PRDM16: variants seen among roughly 807,000 people sequenced by gnomAD.
PRDM16 encodes the protein PR/SET domain 16.
A neutral mutation model predicts 110.6 loss-of-function variants in PRDM16; 23 were observed. The ratio of observed to expected loss-of-function variants is 0.21; its 90% CI spans 0.15 to 0.29. The LOEUF is 0.29. PRDM16 is among the 10% of genes least tolerant of loss of function. The pLI is 1.00. For synonymous variants in PRDM16, 799 were observed against 781.8 expected (o/e 1.02, Z -0.37); for missense variants, 1,615 against 1,794.3 (o/e 0.90, Z 1.81).
intron 8 of PRDM16, among the ~76,000 whole-genome samples, 163 bp from the exon 9 acceptor site, chr1:3,411,221 C>G (rs535868054): frequency 6.6e-6 from 1 of 152,342 alleles, no homozygotes; most frequent in Non-Finnish European, 1.5e-5. Context: ...GCACAGTACA[C>G]ACATATACAC....
rs151146968 is a variant in PRDM16 at position 3,179,675 on chromosome 1, G to T, written c.38-6450G>T. The stretch of plus-strand genomic sequence containing the variant: ...CATGGCACCGTGGTGCAGATTGAAG[G>T]GGCCGCCCGCTCTCAAGGCCGGGCA... On this transcript the variant is annotated intron_variant, in intron 1 of 16. Transcript: ENST00000270722. 2.2e-3 allele frequency among the ~76,000 whole-genome samples: 332 copies of T among 152,076 alleles called. 3 individuals are homozygous for T. Among genetic ancestry groups the T allele is most frequent in the African/African-American group, 6.9e-3 (284 of 41,458 alleles).
At chr1:3,253,245 T>C (rs955342370) in intron 3 of PRDM16, among the ~76,000 whole-genome samples, 3 of 151,996 alleles carry the variant, frequency 2.0e-5, no homozygotes, top group Non-Finnish European at 2.9e-5. Context: ...TTAGGGTACA[T>C]GTGCACAATG....
At chr1:3,091,140 T>C (rs1642266632) in intron 1 of PRDM16, among the ~76,000 whole-genome samples, 1 of 152,208 alleles carries the variant, frequency 6.6e-6, no homozygotes, top group Non-Finnish European at 1.5e-5. Context: ...GAATGACCGC[T>C]AACAGGGAGA....
chr1:3,247,546 G>A (rs1639815264), intron 3 of PRDM16, among the ~76,000 whole-genome samples: 1 of 152,226 alleles, frequency 6.6e-6, no homozygotes, highest in South Asian at 2.1e-4. Context: ...GCCACCGCCA[G>A]GCGCAGGGGA....
intron 3 of PRDM16, chr1:3,309,863 CCCTTGAGGGAGT>C (rs1048837246): frequency 2.6e-5 from 4 of 152,220 alleles, no homozygotes; most frequent in African/African-American, 9.7e-5. Context: ...GAGCGTGGCC[CCCTTGAGGGAGT>C]CCTTGAGGGA....
intron 5 of PRDM16, among the ~76,000 whole-genome samples, chr1:3,399,254 G>C (rs7542793): frequency 6.6e-6 from 1 of 152,152 alleles, no homozygotes; most frequent in Admixed American, 6.5e-5. Context: ...GAGGCAGTGC[G>C]TGGAGGACAG....
intron 1 of PRDM16, chr1:3,127,951 G>T (rs921429459): frequency 1.9e-5 from 3 of 154,638 alleles, no homozygotes; most frequent in African/African-American, 7.2e-5. Flanking sequence ...TCCCGCCTCT[G>T]GTCAGCCTTC....
chr1:3,430,435 G>C (rs1391674718), intron 14 of PRDM16, among the ~76,000 whole-genome samples: 2 of 152,244 alleles, frequency 1.3e-5, no homozygotes, highest in African/African-American at 4.8e-5. Context: ...CCCGGCTCTC[G>C]GGCCAGTGCC....
At chr1:3,349,693 C>T (rs779909319) in intron 3 of PRDM16, among the ~76,000 whole-genome samples, 5 of 152,212 alleles carry the variant, frequency 3.3e-5, no homozygotes, top group Non-Finnish European at 5.9e-5. Flanking sequence ...CTCCCTCCCA[C>T]TCCAATGCAC....
intron 3 of PRDM16, among the ~76,000 whole-genome samples, chr1:3,384,565 TTC>T (rs1260803531): frequency 6.6e-6 from 1 of 152,222 alleles, no homozygotes; most frequent in Non-Finnish European, 1.5e-5. Context: ...GCCAAGTTGG[TTC>T]GCGTGTGACT....
At chr1:3,111,665 G>A (rs1642798521) in intron 1 of PRDM16, among the ~76,000 whole-genome samples, 1 of 152,244 alleles carries the variant, frequency 6.6e-6, no homozygotes, top group South Asian at 2.1e-4. Context: ...TGGGGCGGGG[G>A]CGCAGGCCGG....
At chr1:3,247,521 C>G (rs1459174251) in intron 3 of PRDM16, among the ~76,000 whole-genome samples, 1 of 152,194 alleles carries the variant, frequency 6.6e-6, no homozygotes, top group Non-Finnish European at 1.5e-5. Context: ...CCCGCCCCCA[C>G]CCCAGGAGGG....
rs1216786505 is a variant in PRDM16, at chr1:3,181,424, G to A, written c.38-4701G>A. Reference sequence around the variant, plus strand: ...GTCTTACACACGCAGTCTTACACACGCGGTCTTACACAAGCAGTCTTACAC... The same window carrying A: ...GTCTTACACACGCAGTCTTACACACACGGTCTTACACAAGCAGTCTTACAC... On this transcript the variant is annotated intron_variant, in intron 1 of 16. Coordinates refer to ENST00000270722, the MANE Select transcript of PRDM16 (RefSeq NM_022114.4). Among the ~76,000 whole-genome samples, 2 of 26,744 alleles carry A rather than the reference G, an allele frequency of 7.5e-5. 1 individual carries two copies. The highest frequency in any genetic ancestry group is 2.0e-4 in the Non-Finnish European group (2 of 9,816). The allele number at this position is 26,744 out of a possible 152,430, so 17.5% of individuals were successfully genotyped here. A position where few individuals can be genotyped will look rare whatever the true frequency, so the allele number is the denominator to read the frequency against.
intron 3 of PRDM16, among the ~76,000 whole-genome samples, chr1:3,256,594 C>T (rs1297681831): frequency 3.3e-5 from 5 of 152,122 alleles, no homozygotes; most frequent in African/African-American, 1.2e-4. Context: ...CGTGGTGGCT[C>T]ATGCCTGTAA....
chr1:3,322,867 G>T (rs1020077549), intron 3 of PRDM16, among the ~76,000 whole-genome samples: 5 of 152,220 alleles, frequency 3.3e-5, no homozygotes, highest in South Asian at 2.1e-4. Context: ...TTCAGCAGGG[G>T]TTCATGGCCT....
chr1:3,204,651 G>C (rs966252743), intron 2 of PRDM16, among the ~76,000 whole-genome samples: 1 of 152,250 alleles, frequency 6.6e-6, no homozygotes, highest in Non-Finnish European at 1.5e-5. Flanking sequence ...GGATGGTGCA[G>C]GCTTTCAGAA....
At chr1:3,138,760 C>T (rs945132844) in intron 1 of PRDM16, among the ~76,000 whole-genome samples, 1 of 152,240 alleles carries the variant, frequency 6.6e-6, no homozygotes, top group Non-Finnish European at 1.5e-5. Context: ...TCCCGCCATG[C>T]TCAGGGTCAC....
chr1:3,269,577 CGGAGGAGGACAGTCG>C (rs1304113502), intron 3 of PRDM16, among the ~76,000 whole-genome samples: 2 of 139,602 alleles, frequency 1.4e-5, no homozygotes, highest in Middle Eastern at 5.1e-3. Context: ...AGGACAGTCC[CGGAGGAGGACAGTCG>C]GGAGGAGGAC....
intron 1 of PRDM16, among the ~76,000 whole-genome samples, chr1:3,125,706 G>A (rs1385642920): frequency 1.3e-5 from 2 of 152,242 alleles, no homozygotes; most frequent in Non-Finnish European, 2.9e-5. Flanking sequence ...GTTTGCTGTC[G>A]GTCACGGCAG....
Sources: allele counts gnomAD v4.1 joint callset (sites outside exome capture counted in the v4.1 genomes callset), GRCh38; gene constraint gnomAD v4.1.1; transcripts MANE v1.5; gene names NCBI Gene and HGNC (gene_info 2026-07-23, HGNC 2026-07-21).